PDLIM5: variants seen among roughly 807,000 people sequenced by gnomAD.
PDLIM5 encodes the protein PDZ and LIM domain 5, also known as PDZ and LIM domain protein 5.
PDLIM5 carries 34 observed loss-of-function variants against 64.2 expected under a neutral mutation model. The ratio of observed to expected loss-of-function variants is 0.53; its 90% CI spans 0.40 to 0.71. The LOEUF is 0.71. PDLIM5 is among the 30% of genes least tolerant of loss of function. The pLI, the probability that PDLIM5 is intolerant of heterozygous loss-of-function variation, is 0.00. For missense variants in PDLIM5, 683 were observed against 733.6 expected, an observed-to-expected ratio of 0.93 and a Z score of 0.80; for synonymous variants, 253 against 269.1, an observed-to-expected ratio of 0.94 and a Z score of 0.59.
intron 5 of PDLIM5, among the ~76,000 whole-genome samples, chr4:94,583,449 A>G (rs780876599): frequency 6.6e-6 from 1 of 152,198 alleles, no homozygotes; most frequent in African/African-American, 2.4e-5. Flanking sequence ...ACTACACTCA[A>G]TACTTGTAGA....
rs141719357 is a variant in PDLIM5, at chr4:94,664,003, A to G, written c.1727A>G (p.Gln576Arg). 1.3e-4 allele frequency: 211 copies of G among 1,607,850 alleles called. No homozygotes were observed. In the African/African-American group the frequency reaches 2.4e-3, roughly 19 times the overall value. ...GTGTGTTGTGAAAGTTTGGAAGGTCAGACCTTTTTCTCCAAGAAGGACAAG... is the reference window on the plus strand; with the variant it reads ...GTGTGTTGTGAAAGTTTGGAAGGTCGGACCTTTTTCTCCAAGAAGGACAAG... ...CSVCCESLEG[Q>R]TFFSKKDKPL... Residue 576 changes from glutamine (Q) to arginine (R), a missense_variant, in exon 13 of 13, where the codon CAG becomes CGG. Gln to Arg is a conservative substitution (Grantham distance 43). Transcript: ENST00000317968.
intron 7 of PDLIM5, among the ~76,000 whole-genome samples, chr4:94,607,421 A>G (rs1738015139): frequency 6.6e-6 from 1 of 152,074 alleles, no homozygotes; most frequent in Non-Finnish European, 1.5e-5. Context: ...CTGGCATTCT[A>G]TATAAAAAAT....
intron 2 of PDLIM5, among the ~76,000 whole-genome samples, chr4:94,522,141 G>A (rs1361552842): frequency 3.9e-5 from 6 of 152,152 alleles, no homozygotes; most frequent in Non-Finnish European, 5.9e-5. Context: ...GTAATCTGAG[G>A]TCAAGGGAAT....
At chr4:94,458,973 C>G (rs1001290494) in intron 2 of PDLIM5, among the ~76,000 whole-genome samples, 1 of 152,126 alleles carries the variant, frequency 6.6e-6, no homozygotes, top group Non-Finnish European at 1.5e-5. Flanking sequence ...AAATGGAGTG[C>G]GGGCTACCTA....
At chr4:94,560,827 C>T (rs540902643) in intron 3 of PDLIM5, among the ~76,000 whole-genome samples, 1 of 152,180 alleles carries the variant, frequency 6.6e-6, no homozygotes, top group African/African-American at 2.4e-5. Flanking sequence ...CCCGGGTTCA[C>T]GCCATTCTCC....
intron 9 of PDLIM5, among the ~76,000 whole-genome samples, chr4:94,652,991 G>A (rs1414584090): frequency 1.3e-5 from 2 of 152,090 alleles, no homozygotes; most frequent in South Asian, 2.1e-4. Flanking sequence ...TTATTGAATA[G>A]CAAGGTTTAT....
chr4:94,491,511 A>G (rs1240491387), intron 2 of PDLIM5, among the ~76,000 whole-genome samples: 1 of 151,964 alleles, frequency 6.6e-6, no homozygotes, highest in Non-Finnish European at 1.5e-5. Context: ...CATCACTTTC[A>G]TATTATGCTG....
At chr4:94,561,186 T>C (rs1338622918) in intron 3 of PDLIM5, among the ~76,000 whole-genome samples, 1 of 152,140 alleles carries the variant, frequency 6.6e-6, no homozygotes, top group East Asian at 1.9e-4. Context: ...TAGACAGATT[T>C]TCGGAATGAG....
intron 7 of PDLIM5, among the ~76,000 whole-genome samples, chr4:94,595,199 C>T (rs1389049689): frequency 6.6e-6 from 1 of 152,174 alleles, no homozygotes; most frequent in Non-Finnish European, 1.5e-5. Flanking sequence ...CCTCCCTCAA[C>T]ACGTGGGGAT....
At chr4:94,494,142 T>C (rs1727119278) in intron 2 of PDLIM5, among the ~76,000 whole-genome samples, 1 of 151,906 alleles carries the variant, frequency 6.6e-6, no homozygotes, top group Non-Finnish European at 1.5e-5. Flanking sequence ...GTTTTTGTTA[T>C]TTTTTTGTGG....
intron 3 of PDLIM5, among the ~76,000 whole-genome samples, chr4:94,535,339 TG>T (rs1560685344): frequency 6.6e-6 from 1 of 152,214 alleles, no homozygotes; most frequent in Non-Finnish European, 1.5e-5. Flanking sequence ...CTTGCTCTTC[TG>T]CTCACTGAAG....
intron 9 of PDLIM5, among the ~76,000 whole-genome samples, chr4:94,643,891 G>C (rs1419615222): frequency 6.6e-6 from 1 of 152,028 alleles, no homozygotes; most frequent in Non-Finnish European, 1.5e-5. Flanking sequence ...CAGTCTCTGA[G>C]CACCCCTTTA....
At position 94,639,275 on chromosome 4, in the gene PDLIM5, G is replaced by C. The variant is rs180947132; in HGVS notation, c.1109-1001G>C. On this transcript the variant is annotated intron_variant, in intron 8 of 12. Transcript: ENST00000317968. ...GTTGTGGGGCAAGCAGAGACCACTG[G>C]GGGGATTTGTATGCAGCACGTGGAA... 6.6e-5 allele frequency among the ~76,000 whole-genome samples: 10 copies of C among 152,234 alleles called. No individual in the cohort carries two copies. In the East Asian group the frequency reaches 7.7e-4, roughly 12 times the overall value.
chr4:94,479,327 A>G (rs1192100332), intron 2 of PDLIM5, among the ~76,000 whole-genome samples: 1 of 102,008 alleles, frequency 9.8e-6, no homozygotes, highest in African/African-American at 3.9e-5. Flanking sequence ...GAGAGCTTTG[A>G]GACTTTTTTT....
chr4:94,666,136 C>A lies in PDLIM5; in HGVS notation c.*2069C>A, dbSNP rs999685025. The stretch of plus-strand genomic sequence containing the variant: ...TCCTTCCTGCCCCATCACTCACTTA[C>A]GACATCACTTCCATTGTGTGCATGT... On this transcript the variant is annotated 3_prime_UTR_variant, in exon 13 of 13. Coordinates refer to ENST00000317968, the MANE Select transcript of PDLIM5 (RefSeq NM_006457.5). 1.2e-5 allele frequency: 10 copies of A among 811,348 alleles called. No homozygotes were observed. Among genetic ancestry groups the A allele is most frequent in the Admixed American group, 2.6e-5 (1 of 37,846 alleles). 50.3% of individuals were successfully genotyped at this position (811,348 alleles called of 1,614,324 possible). A position where few individuals can be genotyped will look rare whatever the true frequency, so the allele number is the denominator to read the frequency against.
intron 2 of PDLIM5, 40 bp from the exon 3 acceptor site, chr4:94,523,684 T>C (rs781767568): frequency 1.7e-4 from 254 of 1,531,648 alleles, no homozygotes; most frequent in Non-Finnish European, 2.2e-4. Flanking sequence ...ATTATTCTTT[T>C]TCAAAGAGTG....
At chr4:94,603,584 A>C (rs886209752) in intron 7 of PDLIM5, among the ~76,000 whole-genome samples, 1 of 152,182 alleles carries the variant, frequency 6.6e-6, no homozygotes, top group Non-Finnish European at 1.5e-5. Flanking sequence ...CATACAGGGC[A>C]CTGCTGGACA....
At chr4:94,456,763 T>C (rs936273077) in intron 2 of PDLIM5, 5 of 1,229,050 alleles carry the variant, frequency 4.1e-6, no homozygotes, top group Non-Finnish European at 5.1e-6. Flanking sequence ...TGTGCCAATT[T>C]ACACTTTTGT....
chr4:94,494,044 C>T (rs59024454), intron 2 of PDLIM5, among the ~76,000 whole-genome samples: 1 of 152,114 alleles, frequency 6.6e-6, no homozygotes. Flanking sequence ...ACTGTAGCCT[C>T]TACTTGCTGG....
Sources: allele counts gnomAD v4.1 joint callset (sites outside exome capture counted in the v4.1 genomes callset), GRCh38; gene constraint gnomAD v4.1.1; transcripts MANE v1.5; gene names NCBI Gene and HGNC (gene_info 2026-07-23, HGNC 2026-07-21).